The following TRMT44 variants were observed in gnomAD, a reference collection of about 807,000 sequenced individuals.
The protein encoded by TRMT44 is tRNA methyltransferase 44 homolog, also known as probable tRNA (uracil-O(2)-)-methyltransferase.
A neutral mutation model predicts 77.3 loss-of-function variants in TRMT44; 78 were observed. The ratio of observed to expected loss-of-function variants is 1.01; its 90% confidence interval spans 0.84 to 1.22. The LOEUF is 1.22. TRMT44 is among the 50% of genes most tolerant of loss of function. The probability of loss-of-function intolerance (pLI) is 0.00; values close to 1 mark genes in which losing one functional copy is unlikely to be tolerated. For synonymous variants in TRMT44, 391 were observed against 383.3 expected (o/e 1.02, Z -0.23); for missense variants, 1,090 against 964.4 (o/e 1.13, Z -1.73).
At chr4:8,511,524 G>T in the TRMT44 span, among the ~76,000 whole-genome samples, 1 of 152,090 alleles carries the variant, frequency 6.6e-6, no homozygotes, top group South Asian at 2.1e-4. Flanking sequence ...TACCCCAAAA[G>T]ACACAATCCC....
At chr4:8,491,418 AG>A (rs971070676) in intron 2 of TRMT44, among the ~76,000 whole-genome samples, 2 of 152,214 alleles carry the variant, frequency 1.3e-5, no homozygotes, top group Non-Finnish European at 2.9e-5. Context: ...CGCACTCCTC[AG>A]CCCTTGGGTG....
intron 2 of TRMT44, chr4:8,482,531 A>T (rs112116417): frequency 1.3e-5 from 2 of 152,162 alleles, no homozygotes; most frequent in South Asian, 4.1e-4. Context: ...GGGCCATTTT[A>T]TAAGATTTGG....
At chr4:8,449,949 C>CTTTTTTTT (rs745915221) in intron 3 of TRMT44, 61 bp downstream of exon 3, 252 of 238,904 alleles carry the variant, frequency 1.1e-3, no homozygotes, top group South Asian at 2.7e-3. Flanking sequence ...CTTTTCTTTT[C>CTTTTTTTT]TTTTTTTTTT....
chr4:8,452,932 C>G lies in TRMT44; in HGVS notation c.1074C>G (p.Ser358=). 6.5e-7 allele frequency: 1 copy of G among 1,533,444 alleles called. No homozygotes were observed. Among genetic ancestry groups the G allele is most frequent in the Non-Finnish European group, 8.7e-7 (1 of 1,145,718 alleles). The allele number at this position is 1,533,444 out of a possible 1,614,324, so 95.0% of individuals were successfully genotyped here. ...AGAGGAGACTAACTGCCAGGCAGTC[C>G]TTTGTGGACCTGGGATGTGGAAATG... ...RAERRLTARQ[S]FVDLGCGNGL... Residue 358 remains serine (S), a synonymous_variant, in exon 5 of 11, where the codon TCC becomes TCG. Transcript: ENST00000389737. The surrounding 1 kb of genome is among the most constrained non-coding windows in gnomAD (Gnocchi z 5.7).
the TRMT44 span, among the ~76,000 whole-genome samples, chr4:8,502,436 C>T: frequency 6.6e-6 from 1 of 152,236 alleles, no homozygotes; most frequent in Non-Finnish European, 1.5e-5. Context: ...ATATTTAGCT[C>T]ATGGTGCAGT....
chr4:8,443,845 A>G (rs1430303560), intron 1 of TRMT44, among the ~76,000 whole-genome samples: 1 of 152,126 alleles, frequency 6.6e-6, no homozygotes, highest in Non-Finnish European at 1.5e-5. Context: ...CTGTAATCCC[A>G]GCTACTCAGG....
rs1579035484 is a variant in TRMT44, at chr4:8,446,414, T to C, written c.620-62T>C. On this transcript the variant is annotated intron_variant, in intron 1 of 10. Coordinates refer to ENST00000389737, the MANE Select transcript of TRMT44 (RefSeq NM_152544.3). The surrounding 1 kb of genome is among the most constrained non-coding windows in gnomAD (Gnocchi z 4.3). ...CTTGACTCATCCCTATTTTTAATACTGCTTCTGATGAGACGGTAGCTAGGC... is the reference window on the plus strand; with the variant it reads ...CTTGACTCATCCCTATTTTTAATACCGCTTCTGATGAGACGGTAGCTAGGC... The C allele has an allele frequency of 1.1e-5, 12 of 1,074,498 alleles. No individual in the cohort carries two copies. The East Asian group carries it at 3.1e-4, about 28-fold the overall frequency. The allele number at this position is 1,074,498 out of a possible 1,614,324, so 66.6% of individuals were successfully genotyped here.
chr4:8,469,250 G>A (rs750619264), intron 9 of TRMT44, among the ~76,000 whole-genome samples: 1 of 145,728 alleles, frequency 6.9e-6, no homozygotes, highest in Non-Finnish European at 1.5e-5. Flanking sequence ...AGAGCCTCTA[G>A]CCATCTGGCG....
chr4:8,463,921 C>A, intron 6 of TRMT44, 64 bp from the exon 7 acceptor site: 1 of 1,393,940 alleles, frequency 7.2e-7, no homozygotes, highest in Non-Finnish European at 1.0e-6. Context: ...CCGCCATGTC[C>A]TGCCCACGCA....
At chr4:8,506,664 C>A in the TRMT44 span, among the ~76,000 whole-genome samples, 1 of 152,250 alleles carries the variant, frequency 6.6e-6, no homozygotes, top group Admixed American at 6.5e-5. Flanking sequence ...TACGTGTGCA[C>A]TTCTCTGTGG....
At chr4:8,515,294 T>C in the TRMT44 span, among the ~76,000 whole-genome samples, 161 of 152,308 alleles carry the variant, frequency 1.1e-3, 1 homozygote, top group African/African-American at 3.8e-3. Context: ...ACCCAATTTG[T>C]TCTGGGTCCT....
rs768151400 is a variant in TRMT44 at position 8,441,461 on chromosome 4, G to A, written c.619+20G>A. 6.8e-7 allele frequency: 1 copy of A among 1,480,710 alleles called. No homozygotes were observed. Among genetic ancestry groups the A allele is most frequent in the Non-Finnish European group, 9.0e-7 (1 of 1,114,534 alleles). The allele number at this position is 1,480,710 out of a possible 1,614,324, so 91.7% of individuals were successfully genotyped here. A position where few individuals can be genotyped will look rare whatever the true frequency, so the allele number is the denominator to read the frequency against. The stretch of plus-strand genomic sequence containing the variant: ...TGCAAGGTAAGAGTGTTTTGATAGT[G>A]GACGGATATGATTAGATAAAAAAGC... On this transcript the variant is annotated intron_variant, in intron 1 of 10. Transcript: ENST00000389737.
At position 8,446,541 on chromosome 4, in the gene TRMT44, A is replaced by C. The variant is rs1476602760; in HGVS notation, c.685A>C (p.Lys229Gln). 6.5e-7 allele frequency: 1 copy of C among 1,536,322 alleles called. No individual in the cohort carries two copies. Among genetic ancestry groups the C allele is most frequent in the Non-Finnish European group, 8.7e-7 (1 of 1,146,954 alleles). ...EEDDEGNLKV[K>Q]MSNVYQIQLS... ...AGATGATGAGGGGAACCTAAAGGTT[A>C]AGATGAGCAATGTGTATCAAATTCA... The change falls in exon 2 of 11, where the codon AAG (lysine) becomes CAG (glutamine). Residue 229 changes from lysine (K) to glutamine (Q), a missense_variant. Physicochemically the swap from Lys to Gln is moderately conservative, Grantham distance 53. Coordinates refer to ENST00000389737, the MANE Select transcript of TRMT44 (RefSeq NM_152544.3). This position sits in a 1 kb window ranked among gnomAD's most constrained non-coding sequence, Gnocchi z 4.3.
chr4:8,494,115 C>T (rs145998957), downstream of TRMT44, among the ~76,000 whole-genome samples: 1,392 of 151,436 alleles, frequency 9.2e-3, 10 homozygotes, highest in Middle Eastern at 0.037. Context: ...AAATCAATCT[C>T]GGGACCCCCA....
chr4:8,461,549 C>T lies in TRMT44; in HGVS notation c.1204-2436C>T, dbSNP rs1198404071. ...GCCCCTTGGAGAACGGGCGGAGGCT[C>T]TAGTTCTTTAGCTGAGGTTTCCCAG... On this transcript the variant is annotated intron_variant, in intron 6 of 10. Transcript: ENST00000389737. The surrounding 1 kb of genome is among the most constrained non-coding windows in gnomAD (Gnocchi z 4.6). Among the ~76,000 whole-genome samples the T allele has an allele frequency of 6.6e-6, 1 of 152,122 alleles. No individual in the cohort carries two copies. The highest frequency in any genetic ancestry group is 6.5e-5 in the Admixed American group (1 of 15,268).
intron 2 of TRMT44, among the ~76,000 whole-genome samples, chr4:8,483,841 CTT>C (rs1288917848): frequency 6.6e-6 from 1 of 152,174 alleles, no homozygotes; most frequent in African/African-American, 2.4e-5. Context: ...TAGGAAATGT[CTT>C]TACTTATTCA....
At position 8,465,277 on chromosome 4, in the gene TRMT44, A is replaced by G. The variant is rs536087103; in HGVS notation, c.1311-101A>G. 4.3e-5 allele frequency: 47 copies of G among 1,102,180 alleles called. No individual in the cohort carries two copies. The African/African-American group carries it at 6.3e-4, about 15-fold the overall frequency. The allele number at this position is 1,102,180 out of a possible 1,614,324, so 68.3% of individuals were successfully genotyped here. ...TATTGGCCAGGAACATCACTTCCCTATTTTGCCCTGATATGCGATTGCCGT... is the reference window on the plus strand; with the variant it reads ...TATTGGCCAGGAACATCACTTCCCTGTTTTGCCCTGATATGCGATTGCCGT... On this transcript the variant is annotated intron_variant, in intron 7 of 10. Transcript: ENST00000389737.
chr4:8,454,625 A>G, intron 5 of TRMT44, 117 bp from the exon 6 acceptor site: 1 of 907,048 alleles, frequency 1.1e-6, no homozygotes, highest in Non-Finnish European at 1.7e-6. Flanking sequence ...TGCTGGCAGG[A>G]AGCTCTTCTC....
rs1579036102 is a variant in TRMT44 at position 8,446,712 on chromosome 4, G to A, written c.734+122G>A. 1 of 635,674 alleles carries A rather than the reference G, an allele frequency of 1.6e-6. No individual in the cohort carries two copies. The highest frequency in any genetic ancestry group is 2.9e-5 in the East Asian group (1 of 34,688). 39.4% of individuals were successfully genotyped at this position (635,674 alleles called of 1,614,324 possible). On this transcript the variant is annotated intron_variant, in intron 2 of 10. Transcript: ENST00000389737. This position sits in a 1 kb window ranked among gnomAD's most constrained non-coding sequence, Gnocchi z 4.3. Reference sequence around the variant, plus strand: ...TCTCTGAGGTGGTTATGGTTTGTAGGAATGCAGTTGCTAGCTTATGTGCCC... The same window carrying A: ...TCTCTGAGGTGGTTATGGTTTGTAGAAATGCAGTTGCTAGCTTATGTGCCC...
Sources: allele counts gnomAD v4.1 joint callset (sites outside exome capture counted in the v4.1 genomes callset), GRCh38; gene constraint gnomAD v4.1.1; non-coding constraint Gnocchi (gnomAD v3.1); transcripts MANE v1.5; gene names NCBI Gene and HGNC (gene_info 2026-07-23, HGNC 2026-07-21).